NTM: variants seen among roughly 807,000 people sequenced by gnomAD.
NTM encodes neurotrimin.
A neutral mutation model predicts 42.1 loss-of-function variants in NTM; 13 were observed. That is an observed-to-expected ratio of 0.31 (90% CI 0.20 to 0.49). The LOEUF (loss-of-function observed/expected upper bound fraction) is 0.49, where lower values mean the gene tolerates loss of function less well. Ranked by LOEUF, NTM falls within the 20% of genes least tolerant of loss-of-function variation. The probability of loss-of-function intolerance (pLI) is 0.99; values close to 1 mark genes in which losing one functional copy is unlikely to be tolerated. For synonymous variants in NTM, 187 were observed against 179.2 expected (o/e 1.04, Z -0.35); for missense variants, 373 against 452.8 (o/e 0.82, Z 1.60).
In NTM at chr11:132,250,255, C is replaced by T. The variant is rs567962841; in HGVS notation, c.526+38108C>T. 5.9e-5 allele frequency among the ~76,000 whole-genome samples: 9 copies of T among 152,300 alleles called. No homozygotes were observed. In the South Asian group the frequency reaches 1.2e-3, roughly 21 times the overall value. On this transcript the variant is annotated intron_variant, in intron 4 of 8. Transcript: ENST00000683400. The stretch of plus-strand genomic sequence containing the variant: ...TCAATCTTATTTTTATTTCCATGAA[C>T]GTTTTCTGCCTTTCTGCCCAACCTC...
intron 4 of NTM, among the ~76,000 whole-genome samples, chr11:132,227,917 C>G (rs1465095088): frequency 6.6e-6 from 1 of 152,182 alleles, no homozygotes; most frequent in Non-Finnish European, 1.5e-5. Flanking sequence ...ACGATTTCTG[C>G]TCATCCCCAG....
At chr11:131,691,739 C>A (rs537979039) in intron 1 of NTM, among the ~76,000 whole-genome samples, 48 of 152,296 alleles carry the variant, frequency 3.2e-4, no homozygotes, top group African/African-American at 1.2e-3. Flanking sequence ...CGGCGCGGGG[C>A]TGAGCGGAGC....
chr11:131,996,026 A>G (rs79068175), intron 2 of NTM, among the ~76,000 whole-genome samples: 1 of 152,146 alleles, frequency 6.6e-6, no homozygotes, highest in African/African-American at 2.4e-5. Context: ...GTCAGTTTCA[A>G]GCTTTAAGAC....
chr11:132,129,608 A>G (rs1253478617), intron 2 of NTM, among the ~76,000 whole-genome samples: 1 of 152,230 alleles, frequency 6.6e-6, no homozygotes, highest in African/African-American at 2.4e-5. Flanking sequence ...GTTAATCTAC[A>G]GCTTCCTGTG....
At chr11:132,210,860 G>A (rs2082716727) in intron 3 of NTM, among the ~76,000 whole-genome samples, 1 of 152,092 alleles carries the variant, frequency 6.6e-6, no homozygotes, top group Admixed American at 6.5e-5. Context: ...CAAAATAGAA[G>A]ACCAAAGGAA....
At position 132,149,372 on chromosome 11, in the gene NTM, G is replaced by A. The variant is rs187700344; in HGVS notation, c.400+2858G>A. Among the ~76,000 whole-genome samples, 727 of 152,046 alleles carry A rather than the reference G, an allele frequency of 4.8e-3. 1 individual carries two copies. The highest frequency in any genetic ancestry group is 7.1e-3 in the Non-Finnish European group (486 of 68,002). On this transcript the variant is annotated intron_variant, in intron 3 of 8. Transcript: ENST00000683400. ...GCCCTGAGCTTCTGGAATAAAAGTT[G>A]GGCATATTAGGTTTTCAAAATGGTA...
chr11:131,859,375 C>A (rs184866696), intron 1 of NTM, among the ~76,000 whole-genome samples: 2 of 152,130 alleles, frequency 1.3e-5, no homozygotes, highest in Non-Finnish European at 2.9e-5. Flanking sequence ...GACCTTGGTA[C>A]GGTTGACTTT....
At chr11:131,461,071 C>T (rs1425638904) in intron 1 of NTM, among the ~76,000 whole-genome samples, 2 of 152,158 alleles carry the variant, frequency 1.3e-5, no homozygotes, top group East Asian at 3.9e-4. Context: ...TGGATGTTTT[C>T]AAGTATAAGG....
rs534553056 is a variant in NTM at position 131,737,511 on chromosome 11, C to T, written c.83-174053C>T. Reference sequence around the variant, plus strand: ...TCTGGTATAAACTGTGTTGATTTTTCGGCATTTTCTTATTTGTTATTTCAT... The same window carrying T: ...TCTGGTATAAACTGTGTTGATTTTTTGGCATTTTCTTATTTGTTATTTCAT... On this transcript the variant is annotated intron_variant, in intron 1 of 8. Transcript: ENST00000683400. Among the ~76,000 whole-genome samples, 87 of 152,234 alleles carry T rather than the reference C, an allele frequency of 5.7e-4. 1 individual carries two copies. Among genetic ancestry groups the T allele is most frequent in the African/African-American group, 1.3e-3 (56 of 41,558 alleles).
chr11:132,096,830 G>A (rs1408122369), intron 2 of NTM, among the ~76,000 whole-genome samples: 2 of 152,182 alleles, frequency 1.3e-5, no homozygotes, highest in Non-Finnish European at 2.9e-5. Flanking sequence ...GAGAGGAACA[G>A]GGTGACCAAG....
At chr11:131,873,575 ATATATATATACCG>A (rs1399624270) in intron 1 of NTM, among the ~76,000 whole-genome samples, 9 of 54,326 alleles carry the variant, frequency 1.7e-4, no homozygotes, top group Non-Finnish European at 3.3e-4. Context: ...ATATATATAC[ATATATATATACCG>A]TATATATATA....
chr11:131,908,265 T>A (rs1047415563), intron 1 of NTM, among the ~76,000 whole-genome samples: 9 of 152,230 alleles, frequency 5.9e-5, no homozygotes. Flanking sequence ...TGCCCAGACA[T>A]ACTAATGAAG....
intron 4 of NTM, among the ~76,000 whole-genome samples, chr11:132,275,044 T>C (rs781633306): frequency 6.6e-6 from 1 of 152,116 alleles, no homozygotes; most frequent in Admixed American, 6.6e-5. Context: ...TTGGGTTACA[T>C]TTTCATTTTC....
intron 1 of NTM, among the ~76,000 whole-genome samples, chr11:131,751,575 G>C (rs1333074338): frequency 1.4e-5 from 2 of 145,312 alleles, no homozygotes; most frequent in Non-Finnish European, 3.0e-5. Context: ...GGGCAAAAGA[G>C]CAAGACTCCG....
At chr11:131,712,887 A>T (rs1007151683) in intron 1 of NTM, among the ~76,000 whole-genome samples, 2 of 152,130 alleles carry the variant, frequency 1.3e-5, no homozygotes, top group African/African-American at 4.8e-5. Flanking sequence ...AGTGAAAACC[A>T]AGGAAGAAAG....
At chr11:131,859,147 A>T (rs952102588) in intron 1 of NTM, among the ~76,000 whole-genome samples, 21 of 152,144 alleles carry the variant, frequency 1.4e-4, no homozygotes, top group African/African-American at 4.3e-4. Flanking sequence ...TTCATCCGAG[A>T]GACACATCGG....
At chr11:132,160,862 C>A (rs1378176857) in intron 3 of NTM, among the ~76,000 whole-genome samples, 2 of 152,148 alleles carry the variant, frequency 1.3e-5, no homozygotes, top group Admixed American at 6.5e-5. Flanking sequence ...AAAAGCATCC[C>A]CCGCAGGCAG....
At chr11:131,374,999 C>A (rs1229802001) in intron 1 of NTM, among the ~76,000 whole-genome samples, 1 of 152,148 alleles carries the variant, frequency 6.6e-6, no homozygotes, top group Admixed American at 6.5e-5. Context: ...GATTAACAAA[C>A]AAACAAACAA....
chr11:131,551,944 G>T (rs2054719761), intron 1 of NTM, among the ~76,000 whole-genome samples: 1 of 152,142 alleles, frequency 6.6e-6, no homozygotes, highest in Non-Finnish European at 1.5e-5. Flanking sequence ...ATCCAACACA[G>T]TTCCACAGTT....
Sources: gnomAD v4.1 joint callset for allele counts (sites outside exome capture counted in the v4.1 genomes callset) on GRCh38, gnomAD v4.1.1 for gene constraint, MANE v1.5 for transcripts, NCBI Gene and HGNC (gene_info 2026-07-23, HGNC 2026-07-21) for gene names.